AKAP9: variants seen among roughly 807,000 people sequenced by gnomAD.
AKAP9 encodes the protein A-kinase anchoring protein 9.
AKAP9 carries 311 observed loss-of-function variants against 488.5 expected under a neutral mutation model. The observed-to-expected ratio is 0.64, with a 90% confidence interval of 0.58 to 0.70. The LOEUF is 0.70. Ranked by LOEUF, AKAP9 falls within the 30% of genes least tolerant of loss-of-function variation. The pLI is 0.00. For missense variants in AKAP9, 4,215 were observed against 4,374.5 expected (o/e 0.96, Z 1.03); for synonymous variants, 1,462 against 1,483.5 (o/e 0.99, Z 0.33).
intron 1 of AKAP9, among the ~76,000 whole-genome samples, chr7:91,947,930 C>T (rs1164877511): frequency 2.0e-5 from 3 of 152,112 alleles, no homozygotes; most frequent in African/African-American, 4.8e-5. Flanking sequence ...AAATATAACC[C>T]TGTGCCCATT....
rs1295931115 is a variant in AKAP9 at position 92,022,244 on chromosome 7, G to A, written c.3844G>A (p.Gly1282Arg). The stretch of plus-strand genomic sequence containing the variant: ...ATTCTGTGGTTTTCAATAGATCTGG[G>A]GACAGCAGACAGATGGTATGAAACT... ...VLQTRLSKIW[G>R]QQTDGMKLEF... is the part of the protein sequence containing the mutation. The change falls in exon 13 of 50, where the codon GGA becomes AGA. Residue 1282 changes from glycine to arginine, a missense_variant. Physicochemically the swap from Gly to Arg is moderately radical, Grantham distance 125. This residue lies in a region of AKAP9 where 2,361 missense variants were observed against 2,430.0 expected (regional missense o/e 0.97). Transcript: ENST00000356239. 9 of 1,607,642 alleles carry A rather than the reference G, an allele frequency of 5.6e-6. No individual in the cohort carries two copies. Among genetic ancestry groups the A allele is most frequent in the East Asian group, 2.2e-5 (1 of 44,734 alleles).
At chr7:91,980,425 C>T (rs1261219128) in intron 3 of AKAP9, 92 bp downstream of exon 3, 5 of 463,420 alleles carry the variant, frequency 1.1e-5, no homozygotes, top group Non-Finnish European at 1.8e-5. Flanking sequence ...TTTCTTGTCA[C>T]TCATGCTTCT....
intron 1 of AKAP9, among the ~76,000 whole-genome samples, chr7:91,963,482 T>TCACACA (rs56800758): frequency 0.062 from 8,619 of 139,248 alleles, 311 homozygotes; most frequent in East Asian, 0.091. Flanking sequence ...AACATATTTG[T>TCACACA]CACACACACA....
At chr7:92,047,043 G>A (rs1807121124) in intron 21 of AKAP9, among the ~76,000 whole-genome samples, 1 of 152,092 alleles carries the variant, frequency 6.6e-6, no homozygotes, top group Non-Finnish European at 1.5e-5. Context: ...CCATAAAAGG[G>A]AATAAATGGA....
chr7:91,946,507 G>A (rs1454035271), intron 1 of AKAP9, among the ~76,000 whole-genome samples: 2 of 152,004 alleles, frequency 1.3e-5, no homozygotes, highest in East Asian at 3.9e-4. Flanking sequence ...GAGCACCTGG[G>A]ACTACAGATG....
At chr7:91,980,400 ATTGT>A (rs1796240020) in intron 3 of AKAP9, 67 bp downstream of exon 3, 4 of 661,570 alleles carry the variant, frequency 6.0e-6, no homozygotes, top group Non-Finnish European at 9.0e-6. Flanking sequence ...GAAATCATTG[ATTGT>A]TGCTACTTGA....
intron 1 of AKAP9, among the ~76,000 whole-genome samples, chr7:91,957,895 GA>G (rs147606410): frequency 2.7e-5 from 4 of 150,572 alleles, no homozygotes; most frequent in African/African-American, 4.9e-5. Context: ...ACTATTTTCA[GA>G]AAAAAAAATA....
intron 14 of AKAP9, among the ~76,000 whole-genome samples, chr7:92,027,699 C>T (rs1455784394): frequency 4.7e-4 from 57 of 121,440 alleles, no homozygotes; most frequent in African/African-American, 1.5e-3. Flanking sequence ...CTGGCCGCCC[C>T]GTCTGGGATG....
At chr7:92,075,079 G>A (rs572730314) in intron 28 of AKAP9, among the ~76,000 whole-genome samples, 15 of 130,846 alleles carry the variant, frequency 1.1e-4, no homozygotes, top group East Asian at 7.9e-4. Context: ...ACAATAAAAT[G>A]AGTCAAAAAT....
rs1562963640 is a variant in AKAP9, at chr7:92,003,147, C to A, written c.3230C>A (p.Ser1077Tyr). 6.2e-7 allele frequency: 1 copy of A among 1,611,194 alleles called. No individual in the cohort carries two copies. Among genetic ancestry groups the A allele is most frequent in the Non-Finnish European group, 8.5e-7 (1 of 1,178,592 alleles). The change falls in exon 8 of 50, where the codon TCT (serine) becomes TAT (tyrosine). Residue 1077 changes from serine (S) to tyrosine (Y), a missense_variant. Coordinates refer to ENST00000356239, the MANE Select transcript of AKAP9 (RefSeq NM_005751.5). ...QEQLILDHLP[S>Y]VTKESSLRAT... ...CAGTTGATTTTGGATCACTTACCAT[C>A]TGTAACAAAGGAATCATCACTTAGA...
rs183687328 is a variant in AKAP9 at position 92,008,055 on chromosome 7, G to C, written c.3319-4374G>C. Among the ~76,000 whole-genome samples the C allele has an allele frequency of 1.8e-3, 274 of 152,262 alleles. 1 individual carries two copies. The highest frequency in any genetic ancestry group is 6.4e-3 in the African/African-American group (268 of 41,560). Reference sequence around the variant, plus strand: ...CAAAACAGGAGGAAAAGTTTTCAAGGATTTTGAAAGTTTATTATTTGAAAA... The same window carrying C: ...CAAAACAGGAGGAAAAGTTTTCAAGCATTTTGAAAGTTTATTATTTGAAAA... On this transcript the variant is annotated intron_variant, in intron 8 of 49. Transcript: ENST00000356239.
In AKAP9 at chr7:91,992,661, C is replaced by CAA. The variant is rs770870521; in HGVS notation, c.406-201_406-200dup. 0.097 allele frequency among the ~76,000 whole-genome samples: 4,468 copies of CAA among 46,270 alleles called. 180 individuals are homozygous for CAA. Among genetic ancestry groups the CAA allele is most frequent in the Non-Finnish European group, 0.15 (3,413 of 22,186 alleles). 30.4% of individuals were successfully genotyped at this position (46,270 alleles called of 152,430 possible). On this transcript the variant is annotated intron_variant, in intron 4 of 49. Transcript: ENST00000356239. ...CCTGGGTGACAGAGCAAGACTCTGT[C>CAA]AAAAAAAAAAAAAAAAAAAAAAAAC...
chr7:92,062,876 G>A (rs1810126625), intron 24 of AKAP9, among the ~76,000 whole-genome samples: 1 of 152,148 alleles, frequency 6.6e-6, no homozygotes, highest in South Asian at 2.1e-4. Context: ...CTAGTAATGA[G>A]CAGGTGGAGG....
chr7:91,985,905 C>G (rs1374970036), intron 3 of AKAP9, among the ~76,000 whole-genome samples: 1 of 152,178 alleles, frequency 6.6e-6, no homozygotes, highest in Non-Finnish European at 1.5e-5. Flanking sequence ...CCTCGGCCTC[C>G]TAAAGTACTG....
chr7:92,073,512 AAAAG>A (rs992447450), intron 28 of AKAP9, among the ~76,000 whole-genome samples: 2 of 152,144 alleles, frequency 1.3e-5, no homozygotes, highest in African/African-American at 2.4e-5. Context: ...TCTCAAAAAA[AAAAG>A]AAAACAAAAA....
At chr7:92,023,872 C>T (rs1484141436) in intron 14 of AKAP9, among the ~76,000 whole-genome samples, 3 of 152,078 alleles carry the variant, frequency 2.0e-5, no homozygotes, top group Non-Finnish European at 4.4e-5. Context: ...AGGGACTTCT[C>T]ATTGGCTGTT....
intron 30 of AKAP9, 101 bp downstream of exon 30, chr7:92,077,976 AATTTTATTTT>A (rs553954803): frequency 2.3e-5 from 18 of 766,366 alleles, no homozygotes; most frequent in South Asian, 5.2e-5. Context: ...AAAACAAACC[AATTTTATTTT>A]ATTTTATTTT....
intron 24 of AKAP9, among the ~76,000 whole-genome samples, 183 bp downstream of exon 24, chr7:92,062,669 G>GT (rs898065865): frequency 1.6e-4 from 24 of 149,670 alleles, no homozygotes; most frequent in African/African-American, 2.7e-4. Flanking sequence ...GTGGAATCAG[G>GT]TTTTTTTTTT....
rs1415852807 is a variant in AKAP9 at position 91,980,265 on chromosome 7, A to G, written c.307-24A>G. 5 of 1,512,692 alleles carry G rather than the reference A, an allele frequency of 3.3e-6. No individual in the cohort carries two copies. In the South Asian group the frequency reaches 3.5e-5, roughly 11 times the overall value. The allele number at this position is 1,512,692 out of a possible 1,614,324, so 93.7% of individuals were successfully genotyped here. On this transcript the variant is annotated intron_variant, in intron 2 of 49. Transcript: ENST00000356239. Reference sequence around the variant, plus strand: ...TTTAGCACAAAAAAGTCATAATTATATTTGGTTTTTATTTTTGTTTTAGCT... The same window carrying G: ...TTTAGCACAAAAAAGTCATAATTATGTTTGGTTTTTATTTTTGTTTTAGCT...
Sources: allele counts gnomAD v4.1 joint callset (sites outside exome capture counted in the v4.1 genomes callset), GRCh38; gene constraint gnomAD v4.1.1; regional missense constraint gnomAD v4.1.1; transcripts MANE v1.5; gene names NCBI Gene and HGNC (gene_info 2026-07-23, HGNC 2026-07-21).